The following CDC73 variants were observed in gnomAD, a reference collection of about 807,000 sequenced individuals.
The protein encoded by CDC73 is parafibromin.
A neutral mutation model predicts 83.7 loss-of-function variants in CDC73; 21 were observed. The ratio of observed to expected loss-of-function variants is 0.25; its 90% CI spans 0.18 to 0.36. The LOEUF (loss-of-function observed/expected upper bound fraction) is 0.36. Among genes scored for constraint, CDC73 ranks in the 10% least tolerant of loss-of-function variants. The pLI, the probability that CDC73 is intolerant of heterozygous loss-of-function variation, is 1.00. For synonymous variants in CDC73, 224 were observed against 212.9 expected (o/e 1.05, Z -0.45); for missense variants, 342 against 653.3 (o/e 0.52, Z 5.19).
At chr1:193,234,438 C>G (rs185019758) in intron 14 of CDC73, among the ~76,000 whole-genome samples, 1 of 150,104 alleles carries the variant, frequency 6.7e-6, no homozygotes, top group Non-Finnish European at 1.5e-5. Flanking sequence ...TTTCAGATAT[C>G]AAGCTTAAAA....
At position 193,203,817 on chromosome 1, in the gene CDC73, C is replaced by G. The variant is rs1167382210; in HGVS notation, c.995C>G (p.Thr332Ser). The part of the protein sequence containing the change: ...SVTEGASARK[T>S]QTPAAQPVPR... The stretch of plus-strand genomic sequence containing the variant: ...AAGGAGGGTGCATCTGCCCGGAAGA[C>G]TCAGACTCCTGCAGCCCAGCCAGTA... The change falls in exon 11 of 17, where the codon ACT (threonine) becomes AGT (serine). Residue 332 changes from threonine to serine, a missense_variant. Physicochemically the swap from Thr to Ser is moderately conservative, Grantham distance 58. Around this residue, in one of 3 missense-constraint regions of CDC73, gnomAD observed 239 missense variants for 420.6 expected, o/e 0.57. Coordinates refer to ENST00000367435, the MANE Select transcript of CDC73 (RefSeq NM_024529.5). 1 of 1,613,678 alleles carries G rather than the reference C, an allele frequency of 6.2e-7. No homozygotes were observed. Among genetic ancestry groups the G allele is most frequent in the South Asian group, 1.1e-5 (1 of 91,062 alleles).
At chr1:193,124,240 A>G (rs1012128272) in intron 1 of CDC73, among the ~76,000 whole-genome samples, 3 of 152,384 alleles carry the variant, frequency 2.0e-5, no homozygotes, top group African/African-American at 4.8e-5. Context: ...ATACACATAT[A>G]AAACACTAAA....
chr1:193,230,517 TA>T (rs1340634638), intron 13 of CDC73, among the ~76,000 whole-genome samples: 1 of 131,824 alleles, frequency 7.6e-6, no homozygotes, highest in African/African-American at 3.0e-5. Flanking sequence ...TTATGGAACC[TA>T]AAAATGGAAG....
At chr1:193,222,690 A>G (rs1455586235) in intron 13 of CDC73, among the ~76,000 whole-genome samples, 4 of 150,676 alleles carry the variant, frequency 2.7e-5, no homozygotes, top group Non-Finnish European at 5.9e-5. Flanking sequence ...TCAGAATTAA[A>G]TCTGCGTATT....
chr1:193,156,296 T>TA (rs2103136619), intron 10 of CDC73, among the ~76,000 whole-genome samples: 1 of 152,346 alleles, frequency 6.6e-6, no homozygotes, highest in East Asian at 1.9e-4. Flanking sequence ...TTACAGACTC[T>TA]AACCTCTATT....
intron 10 of CDC73, among the ~76,000 whole-genome samples, chr1:193,165,520 C>A (rs1425769513): frequency 1.3e-5 from 2 of 152,114 alleles, no homozygotes; most frequent in African/African-American, 4.8e-5. Context: ...TCTGCTGTGA[C>A]ATATTTGAAA....
At chr1:193,209,058 C>T (rs539470404) in intron 11 of CDC73, among the ~76,000 whole-genome samples, 1 of 152,312 alleles carries the variant, frequency 6.6e-6, no homozygotes, top group East Asian at 1.9e-4. Context: ...ATGGTCTGGG[C>T]TCCCGTACTC....
intron 7 of CDC73, among the ~76,000 whole-genome samples, chr1:193,143,841 G>T (rs370526975): frequency 1.3e-5 from 2 of 152,064 alleles, no homozygotes; most frequent in African/African-American, 4.8e-5. Flanking sequence ...TGGGTGCAGC[G>T]GCTCATGCCA....
intron 3 of CDC73, among the ~76,000 whole-genome samples, chr1:193,131,333 C>T (rs1052601284): frequency 1.3e-5 from 2 of 152,216 alleles, no homozygotes; most frequent in Admixed American, 1.3e-4. Flanking sequence ...TCACATCTCA[C>T]ATCCATTCTA....
In CDC73 at chr1:193,211,933, A is replaced by C. The variant is rs1677286000; in HGVS notation, c.1031-132A>C. ...AAACAGTGTTGAGAAGATAGTTGTAAAAAAAGTCTTCTGATTTACAGTTAG... is the reference window on the plus strand; with the variant it reads ...AAACAGTGTTGAGAAGATAGTTGTACAAAAAGTCTTCTGATTTACAGTTAG... On this transcript the variant is annotated intron_variant, in intron 11 of 16. Coordinates refer to ENST00000367435, the MANE Select transcript of CDC73 (RefSeq NM_024529.5). The C allele has an allele frequency of 4.3e-6, 3 of 692,108 alleles. No individual in the cohort carries two copies. In the East Asian group the frequency reaches 8.3e-5, roughly 19 times the overall value. 42.9% of individuals were successfully genotyped at this position (692,108 alleles called of 1,614,324 possible). A position where few individuals can be genotyped will look rare whatever the true frequency, so the allele number is the denominator to read the frequency against.
At chr1:193,193,264 A>C (rs1243362575) in intron 10 of CDC73, among the ~76,000 whole-genome samples, 1 of 152,200 alleles carries the variant, frequency 6.6e-6, no homozygotes, top group Admixed American at 6.5e-5. Context: ...GCAAGCTACA[A>C]GGGGTTGTGA....
Position 193,249,670 on chromosome 1 carries a change from ATTT to A in CDC73, c.1418-55_1418-53del, listed in dbSNP as rs933324956. 76 of 1,377,912 alleles carry A rather than the reference ATTT, an allele frequency of 5.5e-5. 1 individual carries two copies. The African/African-American group carries it at 9.8e-4, about 18-fold the overall frequency. The allele number at this position is 1,377,912 out of a possible 1,614,324, so 85.4% of individuals were successfully genotyped here. On this transcript the variant is annotated intron_variant, in intron 15 of 16. Transcript: ENST00000367435. ...CGGCTTCAGTTGGTGGAATAAAGAAATTTTTTTCTTTTTTTTTATTTTGAGTAA... is the reference window on the plus strand; with the variant it reads ...CGGCTTCAGTTGGTGGAATAAAGAAATTTTCTTTTTTTTTATTTTGAGTAA...
At chr1:193,233,395 A>G (rs991783270) in intron 14 of CDC73, among the ~76,000 whole-genome samples, 21 of 152,156 alleles carry the variant, frequency 1.4e-4, no homozygotes, top group African/African-American at 4.3e-4. Context: ...TGTTTTCTGT[A>G]TATTGTTGGT....
intron 13 of CDC73, among the ~76,000 whole-genome samples, chr1:193,232,078 G>A (rs1320233718): frequency 1.3e-5 from 2 of 152,124 alleles, no homozygotes; most frequent in African/African-American, 4.8e-5. Flanking sequence ...AAGAATATCT[G>A]TCTTGAGAAT....
intron 13 of CDC73, among the ~76,000 whole-genome samples, chr1:193,230,457 A>ATTTTT: frequency 1.1e-5 from 1 of 90,718 alleles, no homozygotes; most frequent in Non-Finnish European, 2.0e-5. Context: ...CTAATCCCGT[A>ATTTTT]TTTTTTTTTT....
At chr1:193,197,459 A>C (rs1227173679) in intron 10 of CDC73, among the ~76,000 whole-genome samples, 1 of 152,228 alleles carries the variant, frequency 6.6e-6, no homozygotes. Context: ...ACACATATGC[A>C]TATTGCAAGT....
chr1:193,243,224 G>A (rs976162736), intron 15 of CDC73, among the ~76,000 whole-genome samples: 3 of 152,082 alleles, frequency 2.0e-5, no homozygotes, highest in African/African-American at 7.2e-5. Context: ...ACAGGCGTGA[G>A]CCACCGTGCC....
At chr1:193,222,947 G>T (rs1285587855) in intron 13 of CDC73, among the ~76,000 whole-genome samples, 1 of 151,606 alleles carries the variant, frequency 6.6e-6, no homozygotes, top group Non-Finnish European at 1.5e-5. Context: ...ATTTATAGTT[G>T]TCCATTTCTT....
chr1:193,150,279 TAA>T, intron 8 of CDC73, 23 bp from the exon 9 acceptor site: 8 of 1,459,672 alleles, frequency 5.5e-6, no homozygotes, highest in Non-Finnish European at 7.7e-6. Context: ...TATTAACAAG[TAA>T]CTCATAATTA....
Sources: allele counts gnomAD v4.1 joint callset (sites outside exome capture counted in the v4.1 genomes callset), GRCh38; gene constraint gnomAD v4.1.1; regional missense constraint gnomAD v4.1.1; transcripts MANE v1.5; gene names NCBI Gene and HGNC (gene_info 2026-07-23, HGNC 2026-07-21).